LRRC4B: variants seen among roughly 807,000 people sequenced by gnomAD.
LRRC4B encodes the protein leucine rich repeat containing 4B, also known as leucine-rich repeat-containing protein 4B.
In LRRC4B, 1 loss-of-function variant was observed where a neutral mutation model predicts 7.3. That is an observed-to-expected ratio of 0.14 (90% CI 0.05 to 0.65). LRRC4B has a LOEUF of 0.65. Among genes scored for constraint, LRRC4B ranks in the 30% least tolerant of loss-of-function variants. The probability of loss-of-function intolerance (pLI) is 0.84; values close to 1 mark genes in which losing one functional copy is unlikely to be tolerated. For missense variants in LRRC4B, 730 were observed against 1,041.6 expected (o/e 0.70, Z 4.12); for synonymous variants, 500 against 499.2 (o/e 1.00, Z -0.02).
In LRRC4B at chr19:50,517,991, G is replaced by A; in HGVS notation, c.1722C>T (p.Thr574=). Residue 574 remains threonine (T), a synonymous_variant, in exon 3 of 3, where the codon ACC becomes ACT. Transcript: ENST00000652263. The surrounding 1 kb of genome is among the most constrained non-coding windows in gnomAD (Gnocchi z 6.6). ...ALKDLDDVMK[T]TKIIIGCFVA... ...CGAAGCAGCCGATGATGATTTTGGT[G>A]GTCTTCATGACGTCGTCCAGGTCCT... The A allele has an allele frequency of 6.5e-7, 1 of 1,540,220 alleles. No individual in the cohort carries two copies. The highest frequency in any genetic ancestry group is 2.3e-5 in the East Asian group (1 of 44,118).
intron 2 of LRRC4B, among the ~76,000 whole-genome samples, chr19:50,530,747 T>G (rs1273165321): frequency 6.6e-6 from 1 of 151,856 alleles, no homozygotes; most frequent in African/African-American, 2.4e-5. Context: ...TTTTGTTTTT[T>G]TTTTTTGAGA....
intron 2 of LRRC4B, among the ~76,000 whole-genome samples, chr19:50,538,567 T>A (rs1310682748): frequency 8.3e-6 from 1 of 120,296 alleles, no homozygotes; most frequent in African/African-American, 4.9e-5. Context: ...TTGTTTTTTT[T>A]TTTTTTTTTT....
chr19:50,533,213 G>T (rs1298336598), intron 2 of LRRC4B, among the ~76,000 whole-genome samples: 4 of 151,960 alleles, frequency 2.6e-5, no homozygotes, highest in Non-Finnish European at 5.9e-5. Flanking sequence ...GTTATTTTGT[G>T]CTTTTTAATT....
In LRRC4B at chr19:50,564,612, T is replaced by C. The variant is rs535379702; in HGVS notation, c.-36+3332A>G. 2.2e-3 allele frequency among the ~76,000 whole-genome samples: 327 copies of C among 150,838 alleles called. 1 individual carries two copies. The highest frequency in any genetic ancestry group is 7.6e-3 in the African/African-American group (310 of 41,024). On this transcript the variant is annotated intron_variant, in intron 1 of 2. Transcript: ENST00000652263. ...CATTGGGGGCTGGGAGGGCAAAGGG[T>C]CAGTCCCAGGGAAGATGAGGGGAGA...
chr19:50,567,386 T>C (rs919310934), intron 1 of LRRC4B, among the ~76,000 whole-genome samples: 4 of 151,476 alleles, frequency 2.6e-5, no homozygotes, highest in African/African-American at 9.7e-5. Flanking sequence ...CCCCTCCGTC[T>C]TTCCCATTTT....
chr19:50,565,555 G>GTGTA (rs1342328807), intron 1 of LRRC4B, among the ~76,000 whole-genome samples: 2 of 149,522 alleles, frequency 1.3e-5, no homozygotes, highest in Non-Finnish European at 2.9e-5. Flanking sequence ...GTGTGTGTGT[G>GTGTA]TGTGTGTACC....
At chr19:50,541,262 G>A (rs1454547346) in intron 2 of LRRC4B, among the ~76,000 whole-genome samples, 1 of 151,336 alleles carries the variant, frequency 6.6e-6, no homozygotes, top group African/African-American at 2.4e-5. Context: ...CTACTCGGGA[G>A]GCTGAGGCAG....
chr19:50,548,581 G>T lies in LRRC4B; in HGVS notation c.258C>A (p.Val86=). 1 of 1,602,828 alleles carries T rather than the reference G, an allele frequency of 6.2e-7. No individual in the cohort carries two copies. Among genetic ancestry groups the T allele is most frequent in the Non-Finnish European group, 8.5e-7 (1 of 1,178,540 alleles). Residue 86 remains valine, a synonymous_variant, in exon 2 of 3, where the codon GTC becomes GTA. Coordinates refer to ENST00000652263, the MANE Select transcript of LRRC4B (RefSeq NM_001080457.2). The surrounding 1 kb of genome is among the most constrained non-coding windows in gnomAD (Gnocchi z 6.8). ...DLAEVPASIP[V]NTRYLNLQEN... is the part of the protein sequence containing the mutation. ...CTTGCAGGTTCAGGTACCGCGTGTT[G>T]ACCGGGATGCTGGCTGGGACCTCGG...
Position 50,518,311 on chromosome 19 carries a change from C to G in LRRC4B, c.1402G>C (p.Gly468Arg). The change falls in exon 3 of 3, where the codon GGG (glycine) becomes CGG (arginine). Residue 468 changes from glycine (G) to arginine (R), a missense_variant. Around this residue, in one of 6 missense-constraint regions of LRRC4B, gnomAD observed 192 missense variants for 228.6 expected, o/e 0.84. Coordinates refer to ENST00000652263, the MANE Select transcript of LRRC4B (RefSeq NM_001080457.2). Reference protein sequence around the residue: ...PVAAGGTGSGGGGPGGSGGVG... With the variant: ...PVAAGGTGSGRGGPGGSGGVG... ...CCACCACTGCCCCCAGGGCCGCCCC[C>G]GCCGCTGCCGGTGCCCCCGGCCGCC... The G allele has an allele frequency of 1.2e-6, 2 of 1,604,922 alleles. No homozygotes were observed. Among genetic ancestry groups the G allele is most frequent in the Non-Finnish European group, 1.7e-6 (2 of 1,176,558 alleles).
Position 50,517,916 on chromosome 19 carries a change from C to T in LRRC4B, c.1797G>A (p.Leu599=), listed in dbSNP as rs1601366268. ...AAVMLVAFYK[L]RKQHQLHKHH... is the part of the protein sequence containing the mutation. ...GCTTGTGGAGCTGGTGCTGCTTGCG[C>T]AGCTTGTAGAAGGCCACGAGCATCA... Residue 599 remains leucine (L), a synonymous_variant, in exon 3 of 3, where the codon CTG becomes CTA. Transcript: ENST00000652263. The surrounding 1 kb of genome is among the most constrained non-coding windows in gnomAD (Gnocchi z 6.6). The T allele has an allele frequency of 1.3e-6, 2 of 1,579,128 alleles. No homozygotes were observed. The highest frequency in any genetic ancestry group is 2.0e-5 in the Admixed American group (1 of 50,550).
intron 2 of LRRC4B, among the ~76,000 whole-genome samples, chr19:50,528,278 C>T (rs577254559): frequency 2.0e-5 from 3 of 151,054 alleles, no homozygotes; most frequent in South Asian, 4.2e-4. Flanking sequence ...TGGCCTTGAG[C>T]AATCCTCTTG....
intron 1 of LRRC4B, chr19:50,557,750 C>T (rs1409000327): frequency 6.6e-6 from 1 of 152,126 alleles, no homozygotes; most frequent in African/African-American, 2.4e-5. Flanking sequence ...ATTTACCAGC[C>T]AGCGGAGGAC....
chr19:50,551,309 T>TG (rs745947427), intron 1 of LRRC4B, among the ~76,000 whole-genome samples: 72 of 148,912 alleles, frequency 4.8e-4, no homozygotes, highest in African/African-American at 1.3e-3. Flanking sequence ...GAGATCGTGC[T>TG]GGGGGGGGCG....
intron 1 of LRRC4B, among the ~76,000 whole-genome samples, chr19:50,557,333 C>T (rs1982311512): frequency 6.6e-6 from 1 of 152,170 alleles, no homozygotes; most frequent in Non-Finnish European, 1.5e-5. Context: ...CAGCCCCAAT[C>T]TCCACTCACA....
Position 50,556,846 on chromosome 19 carries a change from G to T in LRRC4B, c.-35-7973C>A, listed in dbSNP as rs1324639563. On this transcript the variant is annotated intron_variant, in intron 1 of 2. Transcript: ENST00000652263. This position sits in a 1 kb window ranked among gnomAD's most constrained non-coding sequence, Gnocchi z 4.2. ...GTGGGGGTGGGGGAGCCGTCCGAGGGCTAAGTGAGAGGGCGGGCACAGGGT... is the reference window on the plus strand; with the variant it reads ...GTGGGGGTGGGGGAGCCGTCCGAGGTCTAAGTGAGAGGGCGGGCACAGGGT... Among the ~76,000 whole-genome samples, 1 of 152,004 alleles carries T rather than the reference G, an allele frequency of 6.6e-6. No individual in the cohort carries two copies. Among genetic ancestry groups the T allele is most frequent in the African/African-American group, 2.4e-5 (1 of 41,380 alleles).
chr19:50,523,617 C>T (rs1033196394), intron 2 of LRRC4B, among the ~76,000 whole-genome samples: 8 of 150,708 alleles, frequency 5.3e-5, no homozygotes, highest in Non-Finnish European at 8.9e-5. Flanking sequence ...GAGCCGAGAT[C>T]GCGCCACTGC....
chr19:50,543,333 C>A (rs1024445527), intron 2 of LRRC4B, among the ~76,000 whole-genome samples: 2 of 95,964 alleles, frequency 2.1e-5, no homozygotes, highest in Admixed American at 2.3e-4. Context: ...GTGCCAGGCC[C>A]TGGTGTGTGT....
intron 2 of LRRC4B, among the ~76,000 whole-genome samples, chr19:50,544,245 G>A (rs1460925820): frequency 6.6e-6 from 1 of 152,070 alleles, no homozygotes; most frequent in East Asian, 1.9e-4. Context: ...AGTGGCTCAT[G>A]CCTGTAATCC....
At chr19:50,564,576 G>C (rs1162662515) in intron 1 of LRRC4B, among the ~76,000 whole-genome samples, 1 of 152,062 alleles carries the variant, frequency 6.6e-6, no homozygotes, top group Admixed American at 6.6e-5. Flanking sequence ...GGATGGGCCA[G>C]GTCAGCAAGA....
Sources: allele counts gnomAD v4.1 joint callset (sites outside exome capture counted in the v4.1 genomes callset), GRCh38; gene constraint gnomAD v4.1.1; regional missense constraint gnomAD v4.1.1; non-coding constraint Gnocchi (gnomAD v3.1); transcripts MANE v1.5; gene names NCBI Gene and HGNC (gene_info 2026-07-23, HGNC 2026-07-21).